Variants in CDH18 observed in about 807,000 individuals in gnomAD.
CDH18 encodes cadherin-18.
A neutral mutation model predicts 67.9 loss-of-function variants in CDH18; 31 were observed. The observed-to-expected ratio is 0.46, with a 90% confidence interval of 0.34 to 0.62. The LOEUF (loss-of-function observed/expected upper bound fraction) is 0.62. Among genes scored for constraint, CDH18 ranks in the 20% least tolerant of loss-of-function variants. CDH18 has a pLI of 0.01. For synonymous variants in CDH18, 362 were observed against 347.2 expected (o/e 1.04, Z -0.48); for missense variants, 890 against 975.5 (o/e 0.91, Z 1.17).
chr5:20,479,017 C>T (rs1422616290), intron 1 of CDH18, among the ~76,000 whole-genome samples: 1 of 152,200 alleles, frequency 6.6e-6, no homozygotes, highest in Non-Finnish European at 1.5e-5. Context: ...TATCTCTACA[C>T]ATCTGCAAGA....
chr5:20,349,587 T>C (rs1580808509), intron 1 of CDH18, among the ~76,000 whole-genome samples: 3 of 152,236 alleles, frequency 2.0e-5, no homozygotes, highest in South Asian at 2.1e-4. Flanking sequence ...GTATTCATAG[T>C]AAGTAAAGAC....
At chr5:20,367,881 G>A (rs1742651283) in intron 1 of CDH18, among the ~76,000 whole-genome samples, 1 of 152,152 alleles carries the variant, frequency 6.6e-6, no homozygotes, top group African/African-American at 2.4e-5. Context: ...TTTCCATAGA[G>A]GAGTGTTTTC....
intron 2 of CDH18, among the ~76,000 whole-genome samples, chr5:20,185,338 G>A (rs1312054510): frequency 2.0e-5 from 3 of 151,870 alleles, no homozygotes; most frequent in African/African-American, 4.8e-5. Flanking sequence ...CCTTCCCCCT[G>A]GGCTCCCAGT....
chr5:20,082,966 A>C lies in CDH18; in HGVS notation c.-517-90952T>G, dbSNP rs554401984. Among the ~76,000 whole-genome samples the C allele has an allele frequency of 3.9e-5, 6 of 152,322 alleles. No homozygotes were observed. In the South Asian group the frequency reaches 1.2e-3, roughly 32 times the overall value. ...AACTGTGAGGCAGTAAATATTCGTG[A>C]TCCAAATTTTAACCACTTGAATTTG... On this transcript the variant is annotated intron_variant, in intron 2 of 14. Coordinates refer to the CDH18 transcript ENST00000507958.
At chr5:20,147,696 C>A (rs1256725549) in intron 2 of CDH18, among the ~76,000 whole-genome samples, 2 of 151,996 alleles carry the variant, frequency 1.3e-5, no homozygotes, top group Non-Finnish European at 2.9e-5. Flanking sequence ...AAAGTTGAAA[C>A]CTTTTTTGGT....
At chr5:19,569,500 A>G (rs771511548) in intron 8 of CDH18, among the ~76,000 whole-genome samples, 15 of 152,180 alleles carry the variant, frequency 9.9e-5, no homozygotes, top group Non-Finnish European at 1.8e-4. Flanking sequence ...AGAATTATGC[A>G]TGATACACAA....
Position 19,994,728 on chromosome 5 carries a change from TATATATATATAGAGAGAGAGAGAGAG to T in CDH18, c.-517-2740_-517-2715del, listed in dbSNP as rs1355588490. On this transcript the variant is annotated intron_variant, in intron 2 of 14. Transcript: ENST00000507958. ...ATATATATATATATATATATATATA[TATATATATATAGAGAGAGAGAGAGAG>T]AGAGAGAGAGAGAGAGAGAGAGAGA... is the stretch of plus-strand genomic sequence containing the variant. Among the ~76,000 whole-genome samples, 173 of 20,864 alleles carry T rather than the reference TATATATATATAGAGAGAGAGAGAGAG, an allele frequency of 8.3e-3. 4 individuals carry two copies. The highest frequency in any genetic ancestry group is 0.015 in the African/African-American group (80 of 5,274). The allele number at this position is 20,864 out of a possible 152,430, so 13.7% of individuals were successfully genotyped here.
chr5:19,492,399 G>A (rs1741614228), intron 11 of CDH18, among the ~76,000 whole-genome samples: 2 of 152,126 alleles, frequency 1.3e-5, no homozygotes, highest in South Asian at 4.1e-4. Flanking sequence ...ATTCCTGGAA[G>A]TCTGGCTCAA....
intron 2 of CDH18, among the ~76,000 whole-genome samples, chr5:19,859,992 GTGTGT>G: frequency 1.4e-5 from 2 of 148,058 alleles, no homozygotes; most frequent in Admixed American, 6.8e-5. Context: ...TGCTTTGGGT[GTGTGT>G]GTGTGTGTGT....
chr5:20,004,823 G>A (rs1221507958), intron 2 of CDH18, among the ~76,000 whole-genome samples: 1 of 152,114 alleles, frequency 6.6e-6, no homozygotes, highest in African/African-American at 2.4e-5. Context: ...GAGGAATAGT[G>A]GGTGTGTCAA....
chr5:19,621,726 G>A (rs1190815558), intron 5 of CDH18, among the ~76,000 whole-genome samples: 4 of 152,156 alleles, frequency 2.6e-5, no homozygotes, highest in Non-Finnish European at 5.9e-5. Flanking sequence ...AGATGTGCAA[G>A]ATGAATAAGT....
At chr5:20,357,732 C>T (rs985192725) in intron 1 of CDH18, among the ~76,000 whole-genome samples, 29 of 152,164 alleles carry the variant, frequency 1.9e-4, no homozygotes, top group African/African-American at 6.8e-4. Context: ...AGTCCAGCCA[C>T]TGTGGAGAGC....
In CDH18 at chr5:19,798,876, T is replaced by G. The variant is rs1028027738; in HGVS notation, c.228+39883A>C. On this transcript the variant is annotated intron_variant, in intron 3 of 12. Transcript: ENST00000382275. Reference sequence around the variant, plus strand: ...GGAAATTGGGTGGAATATTTCATTATTATATGGCATATGTAAACACAATTA... The same window carrying G: ...GGAAATTGGGTGGAATATTTCATTAGTATATGGCATATGTAAACACAATTA... Among the ~76,000 whole-genome samples the G allele has an allele frequency of 2.6e-5, 4 of 152,192 alleles. No homozygotes were observed. In the East Asian group the frequency reaches 5.8e-4, roughly 22 times the overall value.
chr5:20,280,336 T>C (rs1381703235), intron 1 of CDH18, among the ~76,000 whole-genome samples: 1 of 152,120 alleles, frequency 6.6e-6, no homozygotes, highest in African/African-American at 2.4e-5. Flanking sequence ...ATTAGGTTTA[T>C]CTCCTAATGC....
chr5:20,008,903 T>A (rs1216473043), intron 2 of CDH18, among the ~76,000 whole-genome samples: 2 of 151,916 alleles, frequency 1.3e-5, no homozygotes, highest in Non-Finnish European at 2.9e-5. Context: ...AAGGTGAAAA[T>A]GGAAATAAGG....
At chr5:19,680,093 C>T (rs1193693988) in intron 5 of CDH18, among the ~76,000 whole-genome samples, 1 of 151,748 alleles carries the variant, frequency 6.6e-6, no homozygotes, top group African/African-American at 2.4e-5. Context: ...AAAACAGATA[C>T]ATAGACCAAT....
At chr5:20,003,563 C>A (rs1041010855) in intron 2 of CDH18, among the ~76,000 whole-genome samples, 2 of 152,064 alleles carry the variant, frequency 1.3e-5, no homozygotes, top group African/African-American at 4.8e-5. Flanking sequence ...CTTTTCTCCT[C>A]TACTAACAAA....
At chr5:20,167,711 C>T (rs1382339710) in intron 2 of CDH18, among the ~76,000 whole-genome samples, 1 of 152,058 alleles carries the variant, frequency 6.6e-6, no homozygotes, top group Non-Finnish European at 1.5e-5. Context: ...CTCCTAGATC[C>T]AAGGGAACAA....
At chr5:20,273,018 A>G (rs1192983541) in intron 1 of CDH18, among the ~76,000 whole-genome samples, 1 of 152,100 alleles carries the variant, frequency 6.6e-6, no homozygotes, top group Non-Finnish European at 1.5e-5. Context: ...CAAACAATTT[A>G]CTATATGCTG....
Sources: allele counts gnomAD v4.1 joint callset (sites outside exome capture counted in the v4.1 genomes callset), GRCh38; gene constraint gnomAD v4.1.1; transcripts MANE v1.5; gene names NCBI Gene and HGNC (gene_info 2026-07-23, HGNC 2026-07-21).